WDR25: variants seen among roughly 807,000 people sequenced by gnomAD.
WDR25 encodes WD repeat domain 25.
A neutral mutation model predicts 47.7 loss-of-function variants in WDR25; 35 were observed. The observed-to-expected ratio is 0.73, with a 90% CI of 0.56 to 0.97. The LOEUF (loss-of-function observed/expected upper bound fraction) is 0.97. Ranked by LOEUF, WDR25 falls within the 50% of genes least tolerant of loss-of-function variation. The pLI, the probability that WDR25 is intolerant of heterozygous loss-of-function variation, is 0.00. For synonymous variants in WDR25, 248 were observed against 278.9 expected, an observed-to-expected ratio of 0.89 and a Z score of 1.10; for missense variants, 634 against 704.7, an observed-to-expected ratio of 0.90 and a Z score of 1.14.
intron 3 of WDR25, among the ~76,000 whole-genome samples, chr14:100,472,492 C>G (rs562684984): frequency 6.6e-6 from 1 of 152,250 alleles, no homozygotes; most frequent in East Asian, 1.9e-4. Flanking sequence ...GAATGCCTGG[C>G]GTGTGGTAGG....
chr14:100,421,137 G>A (rs192042639), intron 2 of WDR25, among the ~76,000 whole-genome samples: 3 of 152,326 alleles, frequency 2.0e-5, no homozygotes, highest in Admixed American at 2.0e-4. Context: ...ACAGTGTCCA[G>A]ACAGAGAAGA....
At chr14:100,387,027 A>G (rs1051289730) in intron 2 of WDR25, among the ~76,000 whole-genome samples, 3 of 151,894 alleles carry the variant, frequency 2.0e-5, no homozygotes, top group Non-Finnish European at 4.4e-5. Context: ...TCCCATGCCA[A>G]ATCTTCTGCT....
Position 100,529,139 on chromosome 14 carries a change from C to G in WDR25, c.1344C>G (p.Asn448Lys), listed in dbSNP as rs751625232. The G allele has an allele frequency of 1.2e-6, 2 of 1,603,568 alleles. No homozygotes were observed. Among genetic ancestry groups the G allele is most frequent in the African/African-American group, 1.3e-5 (1 of 74,710 alleles). ...EPVFLAQTNG[N>K]YLALFSTVWP... ...TGTTCCTGGCACAGACCAATGGCAA[C>G]TACCTGGCCCTTTTCTCCACTGTGT... The change falls in exon 6 of 7, where the codon AAC (asparagine) becomes AAG (lysine). Residue 448 changes from asparagine (N) to lysine (K), a missense_variant. Transcript: ENST00000402312. The surrounding 1 kb of genome is among the most constrained non-coding windows in gnomAD (Gnocchi z 5.1).
At chr14:100,435,841 G>C (rs569914072) in intron 2 of WDR25, among the ~76,000 whole-genome samples, 2 of 152,318 alleles carry the variant, frequency 1.3e-5, no homozygotes, top group African/African-American at 4.8e-5. Context: ...CCTAGGAGGG[G>C]CTTGTAAGTG....
intron 2 of WDR25, among the ~76,000 whole-genome samples, chr14:100,408,962 A>G (rs922348683): frequency 1.3e-5 from 2 of 152,232 alleles, no homozygotes; most frequent in African/African-American, 4.8e-5. Flanking sequence ...TTGCCTGTGC[A>G]AAGGAGATGT....
chr14:100,454,412 TA>T (rs1899135824), intron 2 of WDR25: 1 of 1,287,160 alleles, frequency 7.8e-7, no homozygotes, highest in African/African-American at 1.5e-5. Flanking sequence ...ACTTTTTAAT[TA>T]CTGCAAAACA....
chr14:100,399,949 A>ACC (rs1201145405), intron 2 of WDR25, among the ~76,000 whole-genome samples: 25 of 152,238 alleles, frequency 1.6e-4, no homozygotes, highest in African/African-American at 5.8e-4. Flanking sequence ...AGGTTCCAGG[A>ACC]ATAACTTAAG....
intron 2 of WDR25, among the ~76,000 whole-genome samples, chr14:100,421,039 A>G (rs1191039948): frequency 6.6e-6 from 1 of 152,196 alleles, no homozygotes; most frequent in African/African-American, 2.4e-5. Flanking sequence ...GGTCATTATA[A>G]GAAGAAATAT....
intron 2 of WDR25, among the ~76,000 whole-genome samples, chr14:100,419,790 C>T (rs1897975145): frequency 6.6e-6 from 1 of 152,232 alleles, no homozygotes; most frequent in Non-Finnish European, 1.5e-5. Context: ...GTTGTGAACA[C>T]AGGCAGTTCA....
At position 100,523,105 on chromosome 14, in the gene WDR25, C is replaced by T. The variant is rs531212607; in HGVS notation, c.1102-2765C>T. Among the ~76,000 whole-genome samples, 181 of 152,328 alleles carry T rather than the reference C, an allele frequency of 1.2e-3. No homozygotes were observed. The highest frequency in any genetic ancestry group is 2.3e-3 in the Non-Finnish European group (155 of 68,036). The stretch of plus-strand genomic sequence containing the variant: ...TGCATGCCAGGATGTTGCTGGGAGC[C>T]GGAGGACCCTGGATTGCTACTTTTA... On this transcript the variant is annotated intron_variant, in intron 4 of 6. Transcript: ENST00000402312. This position sits in a 1 kb window ranked among gnomAD's most constrained non-coding sequence, Gnocchi z 4.7.
At chr14:100,429,327 A>G (rs1436146452) in intron 2 of WDR25, among the ~76,000 whole-genome samples, 1 of 152,178 alleles carries the variant, frequency 6.6e-6, no homozygotes, top group Non-Finnish European at 1.5e-5. Context: ...CTATGAGGCT[A>G]ACAGGAGACT....
At chr14:100,386,311 G>A (rs889590418) in intron 2 of WDR25, among the ~76,000 whole-genome samples, 10 of 152,158 alleles carry the variant, frequency 6.6e-5, no homozygotes, top group Non-Finnish European at 1.5e-5. Flanking sequence ...CCTGGTCGGG[G>A]GCCCTACATT....
intron 2 of WDR25, among the ~76,000 whole-genome samples, chr14:100,382,419 T>G (rs1259732495): frequency 6.6e-6 from 1 of 152,146 alleles, no homozygotes. Flanking sequence ...CATGAGGGCC[T>G]GGGAGCTGGC....
At chr14:100,519,266 G>GGGGA (rs1555397030) in intron 4 of WDR25, among the ~76,000 whole-genome samples, 2 of 147,672 alleles carry the variant, frequency 1.4e-5, no homozygotes, top group African/African-American at 5.0e-5. Flanking sequence ...TTTATAGGGG[G>GGGGA]GAGAGAGAGA....
At chr14:100,513,938 C>CTTTT (rs761749635) in intron 4 of WDR25, among the ~76,000 whole-genome samples, 1 of 141,474 alleles carries the variant, frequency 7.1e-6, no homozygotes. Context: ...ATCTTTTTTA[C>CTTTT]TTTTTTTTTT....
At chr14:100,380,626 T>C (rs1452605468) in intron 1 of WDR25, among the ~76,000 whole-genome samples, 2 of 152,022 alleles carry the variant, frequency 1.3e-5, no homozygotes, top group Non-Finnish European at 2.9e-5. Flanking sequence ...CCCGAGTAGC[T>C]GGGACTACAG....
intron 2 of WDR25, among the ~76,000 whole-genome samples, chr14:100,390,726 C>G (rs556086926): frequency 1.8e-4 from 28 of 152,236 alleles, no homozygotes; most frequent in African/African-American, 6.3e-4. Context: ...ACATCTTTTC[C>G]CACCAGTGTG....
Position 100,381,615 on chromosome 14 carries a change from G to A in WDR25, c.691G>A (p.Glu231Lys), listed in dbSNP as rs1418261684. The A allele has an allele frequency of 1.8e-5, 29 of 1,608,558 alleles. No homozygotes were observed. The highest frequency in any genetic ancestry group is 3.3e-4 in the Middle Eastern group (2 of 6,046). The change falls in exon 2 of 7, where the codon GAA (glutamate) becomes AAA (lysine). Residue 231 changes from glutamate to lysine, a missense_variant. Coordinates refer to ENST00000402312, the MANE Select transcript of WDR25 (RefSeq NM_001161476.3). The stretch of plus-strand genomic sequence containing the variant: ...GCCATATTTGAATAGCCATTATAAA[G>A]AAACCACAGTTCCCCGGAAAGTGCT... The part of the protein sequence containing the change: ...IQPYLNSHYK[E>K]TTVPRKVLFH...
Position 100,502,941 on chromosome 14 carries a change from G to A in WDR25, c.1101+18817G>A, listed in dbSNP as rs1022887251. 3.3e-5 allele frequency among the ~76,000 whole-genome samples: 5 copies of A among 151,492 alleles called. No homozygotes were observed. The highest frequency in any genetic ancestry group is 9.8e-5 in the African/African-American group (4 of 40,848). ...GTTTTTTGTTGCTGGAGAACACGCAGTGTGTGTCTGTGAGTGTGTGTGTCT... is the reference window on the plus strand; with the variant it reads ...GTTTTTTGTTGCTGGAGAACACGCAATGTGTGTCTGTGAGTGTGTGTGTCT... On this transcript the variant is annotated intron_variant, in intron 4 of 6. Coordinates refer to ENST00000402312, the MANE Select transcript of WDR25 (RefSeq NM_001161476.3). This position sits in a 1 kb window ranked among gnomAD's most constrained non-coding sequence, Gnocchi z 4.5.
Sources: gnomAD v4.1 joint callset for allele counts (sites outside exome capture counted in the v4.1 genomes callset) on GRCh38, gnomAD v4.1.1 for gene constraint, Gnocchi (gnomAD v3.1) non-coding constraint, MANE v1.5 for transcripts, NCBI Gene and HGNC (gene_info 2026-07-23, HGNC 2026-07-21) for gene names.